The following PECR variants were observed in gnomAD, a reference collection of about 807,000 sequenced individuals.
PECR encodes peroxisomal trans-2-enoyl-CoA reductase, also known as 2,4-dienoyl-CoA reductase-related protein.
In PECR, 30 loss-of-function variants were observed where a neutral mutation model predicts 35.3. The ratio of observed to expected loss-of-function variants is 0.85; its 90% CI spans 0.64 to 1.15. The LOEUF (loss-of-function observed/expected upper bound fraction) is 1.15. PECR is among the 50% of genes most tolerant of loss of function. The pLI is 0.00. For missense variants in PECR, 392 were observed against 370.8 expected (o/e 1.06, Z -0.47); for synonymous variants, 148 against 138.9 (o/e 1.07, Z -0.46).
intron 4 of PECR, among the ~76,000 whole-genome samples, chr2:216,055,375 T>C (rs7593789): frequency 0.69 from 103,452 of 150,436 alleles, 35,790 homozygotes; most frequent in Admixed American, 0.73. Context: ...AGGCGGAGGT[T>C]GTGGTGAGCT....
In PECR at chr2:216,049,364, A is replaced by G; in HGVS notation, c.613T>C (p.Tyr205His). The change falls in exon 6 of 8, where the codon TAT becomes CAT. Residue 205 changes from tyrosine (Y) to histidine (H), a missense_variant. By Grantham distance (83) the Tyr-to-His change is moderately conservative (BLOSUM62 2). Coordinates refer to ENST00000265322, the MANE Select transcript of PECR (RefSeq NM_018441.6). ...RINCVAPGVI[Y>H]SQTAVENYGS... ...TAGTTCTCCACAGCAGTCTGGGAAT[A>G]AATAACTCCCTGTGTTTAAAAATAA... The G allele has an allele frequency of 6.9e-7, 1 of 1,440,242 alleles. No homozygotes were observed. The allele number at this position is 1,440,242 out of a possible 1,614,324, so 89.2% of individuals were successfully genotyped here.
At chr2:216,048,380 T>C (rs1695037197) in intron 6 of PECR, among the ~76,000 whole-genome samples, 1 of 98,098 alleles carries the variant, frequency 1.0e-5, no homozygotes, top group East Asian at 2.9e-4. Context: ...TGGCCTTGTT[T>C]TCTTAAAAAA....
Position 216,043,033 on chromosome 2 carries a change from G to GTGTGTATATATATATACACATACGTA in PECR, c.826+870_826+871insTACGTATGTGTATATATATATACACA, listed in dbSNP as rs1694921161. ...TATATATATACACATACGTATATAT[G>GTGTGTATATATATATACACATACGTA]TATGTGTATATATATATACACATAC... is the stretch of plus-strand genomic sequence containing the variant. On this transcript the variant is annotated intron_variant, in intron 7 of 7. Coordinates refer to ENST00000265322, the MANE Select transcript of PECR (RefSeq NM_018441.6). Among the ~76,000 whole-genome samples, 7 of 120,002 alleles carry GTGTGTATATATATATACACATACGTA rather than the reference G, an allele frequency of 5.8e-5. 1 individual carries two copies. Among genetic ancestry groups the GTGTGTATATATATATACACATACGTA allele is most frequent in the African/African-American group, 2.3e-4 (7 of 31,074 alleles). The allele number at this position is 120,002 out of a possible 152,430, so 78.7% of individuals were successfully genotyped here. A position where few individuals can be genotyped will look rare whatever the true frequency, so the allele number is the denominator to read the frequency against.
At chr2:216,056,121 C>T (rs1695220170) in intron 4 of PECR, among the ~76,000 whole-genome samples, 1 of 152,120 alleles carries the variant, frequency 6.6e-6, no homozygotes, top group South Asian at 2.1e-4. Flanking sequence ...GTTGTAGACT[C>T]CCTCAGAGTG....
At chr2:216,072,000 CAA>C (rs1213002565) in intron 1 of PECR, among the ~76,000 whole-genome samples, 9 of 152,188 alleles carry the variant, frequency 5.9e-5, no homozygotes, top group Admixed American at 5.9e-4. Context: ...CATGCAAAAG[CAA>C]AGACTACCTA....
At chr2:216,047,879 T>C (rs1419339358) in intron 6 of PECR, among the ~76,000 whole-genome samples, 3 of 152,060 alleles carry the variant, frequency 2.0e-5, no homozygotes, top group Admixed American at 6.6e-5. Context: ...ATGCCCCTAA[T>C]CTGGTCTTTT....
chr2:216,080,981 C>A (rs2105974304), intron 1 of PECR, among the ~76,000 whole-genome samples: 1 of 152,260 alleles, frequency 6.6e-6, no homozygotes, highest in Middle Eastern at 3.4e-3. Flanking sequence ...CAGAGTGAGA[C>A]CCTATCTCAA....
At chr2:216,079,064 T>A (rs1274717634) in intron 1 of PECR, among the ~76,000 whole-genome samples, 1 of 152,096 alleles carries the variant, frequency 6.6e-6, no homozygotes, top group African/African-American at 2.4e-5. Context: ...CAGATATTCC[T>A]GAAAGAGGAT....
At chr2:216,031,574 GGAAAGAAA>G (rs1232407973) in intron 7 of PECR, among the ~76,000 whole-genome samples, 1 of 137,132 alleles carries the variant, frequency 7.3e-6, no homozygotes, top group Non-Finnish European at 1.6e-5. Context: ...AAGGAAGGAA[GGAAAGAAA>G]GAAGGAAAGA....
chr2:216,043,035 ATG>A (rs56873980), intron 7 of PECR, among the ~76,000 whole-genome samples: 78,067 of 124,738 alleles, frequency 0.63, 25,466 homozygotes, highest in East Asian at 0.7. Context: ...GTATATATGT[ATG>A]TGTATATATA....
At chr2:216,035,235 C>T (rs1694774421), downstream of PECR, among the ~76,000 whole-genome samples, 1 of 152,154 alleles carries the variant, frequency 6.6e-6, no homozygotes. Flanking sequence ...CTTCCTGACC[C>T]GTGCAGTGCA....
chr2:216,061,746 G>T (rs931001086), intron 3 of PECR, among the ~76,000 whole-genome samples: 1 of 151,972 alleles, frequency 6.6e-6, no homozygotes, highest in Non-Finnish European at 1.5e-5. Context: ...ACATGAATTT[G>T]AAAACATCTT....
intron 1 of PECR, among the ~76,000 whole-genome samples, chr2:216,070,960 C>T (rs1042475497): frequency 6.6e-6 from 1 of 152,230 alleles, no homozygotes; most frequent in Non-Finnish European, 1.5e-5. Context: ...CAGCGGTATA[C>T]TGAGTTGATC....
intron 4 of PECR, among the ~76,000 whole-genome samples, chr2:216,052,979 G>A (rs559929001): frequency 7.9e-5 from 12 of 151,578 alleles, no homozygotes; most frequent in Admixed American, 2.0e-4. Flanking sequence ...TCAGCCTCCC[G>A]AATAGCTGGG....
chr2:216,075,680 C>T (rs942492296), intron 1 of PECR, among the ~76,000 whole-genome samples: 2 of 152,180 alleles, frequency 1.3e-5, no homozygotes, highest in Non-Finnish European at 2.9e-5. Flanking sequence ...GGAGTTCTTT[C>T]AACATCAGAG....
intron 3 of PECR, among the ~76,000 whole-genome samples, chr2:216,061,010 G>A (rs1695333824): frequency 6.6e-6 from 1 of 151,466 alleles, no homozygotes; most frequent in South Asian, 2.1e-4. Flanking sequence ...AAAATGGAAT[G>A]AGCCGGGAGC....
intron 7 of PECR, among the ~76,000 whole-genome samples, chr2:216,031,691 G>GAAAGAAAGAAAGAAAGAA (rs1473248845): frequency 8.5e-4 from 52 of 61,140 alleles, no homozygotes; most frequent in African/African-American, 1.6e-3. Context: ...AAGAAAGAAA[G>GAAAGAAAGAAAGAAAGAA]AGAAAGAAAG....
At chr2:216,061,356 C>CATTG (rs1695345864) in intron 3 of PECR, among the ~76,000 whole-genome samples, 1 of 139,786 alleles carries the variant, frequency 7.2e-6, no homozygotes, top group South Asian at 2.3e-4. Flanking sequence ...AACCTAAACC[C>CATTG]ATTGGATAAA....
At chr2:216,078,954 C>A (rs986201543) in intron 1 of PECR, among the ~76,000 whole-genome samples, 6 of 152,140 alleles carry the variant, frequency 3.9e-5, no homozygotes, top group Non-Finnish European at 8.8e-5. Flanking sequence ...ACATAAAAAT[C>A]TATTAAAAAT....
Sources: allele counts gnomAD v4.1 joint callset (sites outside exome capture counted in the v4.1 genomes callset), GRCh38; gene constraint gnomAD v4.1.1; transcripts MANE v1.5; gene names NCBI Gene and HGNC (gene_info 2026-07-23, HGNC 2026-07-21).